Variants in SMYD4 observed in about 807,000 individuals in gnomAD.
SMYD4 encodes the protein protein-lysine N-methyltransferase SMYD4.
SMYD4 carries 68 observed loss-of-function variants against 72.8 expected under a neutral mutation model. The observed-to-expected ratio is 0.93, with a 90% CI of 0.77 to 1.14. SMYD4 has a LOEUF of 1.14. Ranked by LOEUF, SMYD4 falls within the 50% of genes most tolerant of loss-of-function variation. The pLI is 0.00. For synonymous variants in SMYD4, 407 were observed against 388.6 expected, an observed-to-expected ratio of 1.05 and a Z score of -0.56; for missense variants, 984 against 1,003.7, an observed-to-expected ratio of 0.98 and a Z score of 0.27.
intron 2 of SMYD4, among the ~76,000 whole-genome samples, chr17:1,826,491 C>CAAAAAAAAAAAAA (rs111636314): frequency 5.8e-5 from 6 of 103,114 alleles, no homozygotes; most frequent in Admixed American, 1.3e-4. Flanking sequence ...AAACTCTGTC[C>CAAAAAAAAAAAAA]AAAAAAAAAA....
chr17:1,808,365 C>G (rs1023726596), intron 3 of SMYD4, among the ~76,000 whole-genome samples: 5 of 152,180 alleles, frequency 3.3e-5, no homozygotes, highest in Middle Eastern at 3.4e-3. Context: ...AAAAGCAGGT[C>G]ACAAAAGAGA....
At chr17:1,798,903 A>G (rs67479426) in intron 5 of SMYD4, among the ~76,000 whole-genome samples, 1 of 151,502 alleles carries the variant, frequency 6.6e-6, no homozygotes, top group Non-Finnish European at 1.5e-5. Flanking sequence ...TCTCAAAAAA[A>G]AAATAAATAA....
chr17:1,807,339 T>G (rs1910088462), intron 3 of SMYD4, among the ~76,000 whole-genome samples: 1 of 152,032 alleles, frequency 6.6e-6, no homozygotes, highest in Non-Finnish European at 1.5e-5. Flanking sequence ...CTTTTTTTTT[T>G]TTTGAGACAG....
rs548763982 is a variant in SMYD4 at position 1,784,645 on chromosome 17, G to A, written c.1885-184C>T. The A allele has an allele frequency of 1.7e-5, 15 of 872,354 alleles. No individual in the cohort carries two copies. In the African/African-American group the frequency reaches 2.5e-4, roughly 15 times the overall value. The allele number at this position is 872,354 out of a possible 1,614,324, so 54.0% of individuals were successfully genotyped here. A position where few individuals can be genotyped will look rare whatever the true frequency, so the allele number is the denominator to read the frequency against. ...TGGCGGCAATGGCGGCAATTCTAAT[G>A]AAGTGTATCAGCAGTAGCTGATCCC... On this transcript the variant is annotated intron_variant, in intron 7 of 10. Transcript: ENST00000305513.
chr17:1,800,932 C>T lies in SMYD4; in HGVS notation c.462G>A (p.Val154=), dbSNP rs780233755. Residue 154 remains valine, a synonymous_variant, in exon 5 of 11, where the codon GTG becomes GTA. Coordinates refer to ENST00000305513, the MANE Select transcript of SMYD4 (RefSeq NM_052928.3). ...TTGCCTCCTGCAGTCTCCCCAGGGC[C>T]ACCAGACATTCTGCTTTACGTAACA... ...KIMLRKAECL[V]ALGRLQEASQ... 3.7e-6 allele frequency: 6 copies of T among 1,614,214 alleles called. No individual in the cohort carries two copies. In the East Asian group the frequency reaches 1.3e-4, roughly 36 times the overall value.
At chr17:1,814,133 T>C (rs187231604) in intron 2 of SMYD4, among the ~76,000 whole-genome samples, 2 of 151,874 alleles carry the variant, frequency 1.3e-5, no homozygotes, top group Non-Finnish European at 2.9e-5. Flanking sequence ...GGGAAGACCC[T>C]GTCTCTACAA....
chr17:1,827,819 T>C, intron 2 of SMYD4, 42 bp downstream of exon 2: 1 of 1,573,892 alleles, frequency 6.4e-7, no homozygotes, highest in Non-Finnish European at 8.7e-7. Context: ...AATAGAACAT[T>C]TTTTGGCTCA....
At chr17:1,783,665 G>GACA in intron 8 of SMYD4, 189 bp from the exon 9 acceptor site, 3 of 1,051,868 alleles carry the variant, frequency 2.9e-6, no homozygotes, top group Non-Finnish European at 4.0e-6. Flanking sequence ...CTCTGTCAGT[G>GACA]GAGAAAGGCG....
At position 1,827,912 on chromosome 17, in the gene SMYD4, G is replaced by A. The variant is rs1272173211; in HGVS notation, c.83C>T (p.Ser28Phe). The A allele has an allele frequency of 6.2e-7, 1 of 1,613,468 alleles. No individual in the cohort carries two copies. The highest frequency in any genetic ancestry group is 1.7e-5 in the Admixed American group (1 of 60,008). Residue 28 changes from serine (S) to phenylalanine (F), a missense_variant, in exon 2 of 11, where the codon TCT becomes TTT. Ser to Phe is a radical substitution (Grantham distance 155, BLOSUM62 -2). Transcript: ENST00000305513. ...SLPTSVQVTI[S>F]TAETLRDIFL... ...GATATCCCTCAAGGTCTCTGCTGTAGAAATTGTGACCTGAACAGACGTCGG... is the reference window on the plus strand; with the variant it reads ...GATATCCCTCAAGGTCTCTGCTGTAAAAATTGTGACCTGAACAGACGTCGG...
At chr17:1,784,272 C>G in intron 8 of SMYD4, 54 bp downstream of exon 8, 2 of 1,610,394 alleles carry the variant, frequency 1.2e-6, no homozygotes, top group Admixed American at 3.4e-5. Flanking sequence ...AAAACGGTAT[C>G]AGAACAAATA....
chr17:1,822,884 A>G (rs573358647), intron 2 of SMYD4, among the ~76,000 whole-genome samples: 3 of 152,352 alleles, frequency 2.0e-5, no homozygotes, highest in African/African-American at 4.8e-5. Context: ...AATAAATCGA[A>G]CATGAAATGT....
intron 5 of SMYD4, among the ~76,000 whole-genome samples, chr17:1,789,556 G>T (rs1382881151): frequency 6.6e-6 from 1 of 152,046 alleles, no homozygotes; most frequent in African/African-American, 2.4e-5. Flanking sequence ...TTGAGGTCAG[G>T]AGTTCAACAC....
At chr17:1,823,393 CAAAAAAAAAAA>C (rs57044082) in intron 2 of SMYD4, among the ~76,000 whole-genome samples, 6 of 65,586 alleles carry the variant, frequency 9.1e-5, no homozygotes, top group Non-Finnish European at 1.3e-4. Flanking sequence ...GACTCCGTCT[CAAAAAAAAAAA>C]AAAAAAAAAA....
In SMYD4 at chr17:1,784,453, G is replaced by A. The variant is rs909620167; in HGVS notation, c.1893C>T (p.Asp631=). Residue 631 remains aspartate (D), a synonymous_variant, in exon 8 of 11, where the codon GAC becomes GAT. Coordinates refer to ENST00000305513, the MANE Select transcript of SMYD4 (RefSeq NM_052928.3). ...AAGATCTGCTGCCACAGCGCAGCAC[G>A]TCATCTCCCTGTGGAAGTCAGTTTT... ...NSCGAPMQGD[D]VLRCGSRSCA... The A allele has an allele frequency of 3.7e-6, 6 of 1,614,130 alleles. No individual in the cohort carries two copies. In the East Asian group the frequency reaches 6.7e-5, roughly 18 times the overall value.
At chr17:1,791,789 A>T (rs1218377942) in intron 5 of SMYD4, among the ~76,000 whole-genome samples, 1 of 152,156 alleles carries the variant, frequency 6.6e-6, no homozygotes. Flanking sequence ...TGGGAGGCAG[A>T]GGTGGGAGGA....
chr17:1,784,402 G>A lies in SMYD4; in HGVS notation c.1944C>T (p.Asp648=), dbSNP rs1160349202. Residue 648 remains aspartate (D), a synonymous_variant, in exon 8 of 11, where the codon GAC becomes GAT. Transcript: ENST00000305513. ...RSCAESAVSR[D]HLVSRLQDLQ... is the part of the protein sequence containing the mutation. ...GGTCCTGTAACCGAGAGACCAGGTG[G>A]TCCCTGCTGACGGCGGATTCTGCAC... The A allele has an allele frequency of 5.6e-6, 9 of 1,614,110 alleles. No homozygotes were observed. In the South Asian group the frequency reaches 8.8e-5, roughly 16 times the overall value.
At chr17:1,794,549 A>G (rs1909289566) in intron 5 of SMYD4, among the ~76,000 whole-genome samples, 1 of 152,200 alleles carries the variant, frequency 6.6e-6, no homozygotes, top group African/African-American at 2.4e-5. Flanking sequence ...CCCTAAGACT[A>G]CATAAATGTT....
intron 2 of SMYD4, among the ~76,000 whole-genome samples, chr17:1,819,805 T>C (rs2151252564): frequency 6.6e-6 from 1 of 152,334 alleles, no homozygotes; most frequent in Middle Eastern, 3.4e-3. Flanking sequence ...TTGTTTGTTT[T>C]GAGACAGAGT....
chr17:1,783,006 G>A, intron 10 of SMYD4, 29 bp downstream of exon 10: 2 of 1,608,778 alleles, frequency 1.2e-6, no homozygotes, highest in Non-Finnish European at 1.7e-6. Flanking sequence ...GGAACAGTGT[G>A]TGCCCTGTGA....
Sources: allele counts gnomAD v4.1 joint callset (sites outside exome capture counted in the v4.1 genomes callset), GRCh38; gene constraint gnomAD v4.1.1; transcripts MANE v1.5; gene names NCBI Gene and HGNC (gene_info 2026-07-23, HGNC 2026-07-21).